STARD8: variants seen among roughly 807,000 people sequenced by gnomAD.
The protein encoded by STARD8 is StAR related lipid transfer domain containing 8.
STARD8 carries 25 observed loss-of-function variants against 69.4 expected under a neutral mutation model. The observed-to-expected ratio is 0.36, with a 90% CI of 0.26 to 0.50. The LOEUF (loss-of-function observed/expected upper bound fraction) is 0.50, where lower values mean the gene tolerates loss of function less well. STARD8 is among the 20% of genes least tolerant of loss of function. The probability of loss-of-function intolerance (pLI) is 0.96; values close to 1 mark genes in which losing one functional copy is unlikely to be tolerated. For missense variants in STARD8, 921 were observed against 932.5 expected (o/e 0.99, Z 0.16); for synonymous variants, 389 against 374.6 (o/e 1.04, Z -0.45).
intron 1 of STARD8, among the ~76,000 whole-genome samples, chrX:68,653,277 CCA>C (rs1287542792): frequency 1.3e-3 from 66 of 51,668 alleles, no homozygotes; most frequent in African/African-American, 4.3e-3. Flanking sequence ...ACACACCACA[CCA>C]CACACACACC....
rs746018366 is a variant in STARD8 at position 68,718,036 on chromosome X, A to T, written c.1122A>T (p.Glu374Asp). 36 of 1,210,786 alleles carry T rather than the reference A, an allele frequency of 3.0e-5. No individual in the cohort carries two copies. Among genetic ancestry groups the T allele is most frequent in the Non-Finnish European group, 3.9e-5 (35 of 895,066 alleles). ...AEPVMVGAEA[E>D]DEDDEESGGS... is the part of the protein sequence containing the mutation. The stretch of plus-strand genomic sequence containing the variant: ...CTGTAATGGTTGGGGCTGAGGCTGA[A>T]GATGAAGATGATGAGGAGAGTGGGG... Residue 374 changes from glutamate (E) to aspartate (D), a missense_variant, in exon 6 of 15, where the codon GAA (glutamate) becomes GAT (aspartate). By Grantham distance (45) the Glu-to-Asp change is conservative. Transcript: ENST00000374599.
intron 2 of STARD8, among the ~76,000 whole-genome samples, chrX:68,685,999 T>C (rs921724583): frequency 9.0e-6 from 1 of 111,723 alleles, no homozygotes; most frequent in African/African-American, 3.3e-5. Flanking sequence ...TTGGTGAGAT[T>C]TGGGGGCAGA....
chrX:68,674,554 G>C (rs1056740208), intron 2 of STARD8, among the ~76,000 whole-genome samples: 1 of 110,902 alleles, frequency 9.0e-6, no homozygotes, highest in Non-Finnish European at 1.9e-5. Context: ...GCCAGCCACA[G>C]AGTGCTTGGG....
chrX:68,695,818 A>C (rs1207634598), intron 2 of STARD8, among the ~76,000 whole-genome samples: 1 of 111,792 alleles, frequency 8.9e-6, no homozygotes, highest in Non-Finnish European at 1.9e-5. Flanking sequence ...CAGATTGGAG[A>C]GGGAGCAGAA....
At chrX:68,663,948 C>A (rs759572558) in intron 1 of STARD8, among the ~76,000 whole-genome samples, 1 of 111,943 alleles carries the variant, frequency 8.9e-6, no homozygotes, top group East Asian at 2.8e-4. Context: ...CCTCCTCTCT[C>A]CTGTGGCCAA....
intron 2 of STARD8, among the ~76,000 whole-genome samples, chrX:68,681,419 C>T (rs1480720305): frequency 1.8e-5 from 2 of 112,087 alleles, no homozygotes; most frequent in Non-Finnish European, 3.8e-5. Flanking sequence ...CAGTTACTTG[C>T]CAAAGGTTAC....
In STARD8 at chrX:68,725,141, C is replaced by G. The variant is rs374074673; in HGVS notation, c.*719C>G. The G allele has an allele frequency of 1.5e-4, 17 of 111,151 alleles. No homozygotes were observed. Among genetic ancestry groups the G allele is most frequent in the African/African-American group, 5.2e-4 (16 of 30,520 alleles). 9.2% of individuals were successfully genotyped at this position (111,151 alleles called of 1,213,427 possible). A position where few individuals can be genotyped will look rare whatever the true frequency, so the allele number is the denominator to read the frequency against. ...CGAGATGCCAGTGAAACCAGTATTC[C>G]CTGACTTGGGTTTCACACTTTATCG... is the stretch of plus-strand genomic sequence containing the variant. On this transcript the variant is annotated 3_prime_UTR_variant, in exon 15 of 15. Transcript: ENST00000374599.
intron 2 of STARD8, among the ~76,000 whole-genome samples, chrX:68,707,748 G>A (rs2080019496): frequency 1.8e-5 from 2 of 111,309 alleles, no homozygotes; most frequent in Admixed American, 1.9e-4. Context: ...GTATCTTCCC[G>A]CCTGGTCCCC....
At position 68,647,957 on chromosome X, in the gene STARD8, C is replaced by G. The variant is rs539891390; in HGVS notation, c.45+30C>G. 5.0e-5 allele frequency: 59 copies of G among 1,187,720 alleles called. No homozygotes were observed. In the South Asian group the frequency reaches 1.0e-3, roughly 20 times the overall value. On this transcript the variant is annotated intron_variant, in intron 1 of 14. Coordinates refer to ENST00000374599, the MANE Select transcript of STARD8 (RefSeq NM_001142503.3). ...GTGACTGGCCAGCCCCAGCCCATCC[C>G]GCTGCTCAGGGGGGAAGGAGGCAGA...
intron 2 of STARD8, among the ~76,000 whole-genome samples, chrX:68,674,293 CAAAAAAAA>C (rs60245351): frequency 2.8e-5 from 1 of 35,665 alleles, no homozygotes; most frequent in African/African-American, 7.3e-5. Context: ...AACTCCGTCT[CAAAAAAAA>C]AAAAAAAAAA....
chrX:68,703,158 G>T (rs1395882363), intron 2 of STARD8, among the ~76,000 whole-genome samples: 4 of 111,849 alleles, frequency 3.6e-5, no homozygotes, highest in Admixed American at 2.8e-4. Flanking sequence ...TACTCTGGAG[G>T]CTGAGGTGGG....
rs138134354 is a variant in STARD8 at position 68,717,451 on chromosome X, C to T, written c.537C>T (p.Pro179=). The change falls in exon 6 of 15, where the codon CCC becomes CCT. Residue 179 remains proline, a synonymous_variant. Coordinates refer to ENST00000374599, the MANE Select transcript of STARD8 (RefSeq NM_001142503.3). ...ACTTGCCCTTGCCAGGCCGTGCCCC[C>T]AGCTCGAGTGACCGGCCCCTCCTCA... ...PADLPLPGRA[P]SSSDRPLLSP... is the part of the protein sequence containing the mutation. 3 of 1,208,214 alleles carry T rather than the reference C, an allele frequency of 2.5e-6. No homozygotes were observed. Among genetic ancestry groups the T allele is most frequent in the Non-Finnish European group, 3.4e-6 (3 of 894,774 alleles).
chrX:68,663,044 G>A (rs1459280462), intron 1 of STARD8, among the ~76,000 whole-genome samples: 1 of 111,907 alleles, frequency 8.9e-6, no homozygotes, highest in African/African-American at 3.3e-5. Flanking sequence ...CACTAATCCT[G>A]GTCTTCTTCT....
At chrX:68,666,187 C>G (rs1466527993) in intron 2 of STARD8, among the ~76,000 whole-genome samples, 1 of 111,656 alleles carries the variant, frequency 9.0e-6, no homozygotes, top group African/African-American at 3.3e-5. Context: ...AGAGGGATAA[C>G]AGCTTTGTGG....
At chrX:68,668,705 C>T (rs888768358) in intron 2 of STARD8, among the ~76,000 whole-genome samples, 20 of 111,157 alleles carry the variant, frequency 1.8e-4, no homozygotes, top group African/African-American at 6.6e-4. Context: ...CTTTGAAGTC[C>T]CTGCTATCAC....
chrX:68,715,432 G>C (rs191951084), intron 4 of STARD8, 57 bp downstream of exon 4: 3 of 1,050,055 alleles, frequency 2.9e-6, no homozygotes, highest in Admixed American at 3.1e-5. Flanking sequence ...AAGCTTCCTC[G>C]TGGAAAAAAA....
At chrX:68,685,441 C>T (rs1569359917) in intron 2 of STARD8, among the ~76,000 whole-genome samples, 2 of 112,014 alleles carry the variant, frequency 1.8e-5, no homozygotes, top group East Asian at 5.6e-4. Flanking sequence ...AACCAGGACC[C>T]CCCACCATCC....
chrX:68,653,759 C>G (rs993617491), intron 1 of STARD8, among the ~76,000 whole-genome samples: 3 of 104,721 alleles, frequency 2.9e-5, no homozygotes, highest in African/African-American at 1.0e-4. Flanking sequence ...ACACACACAC[C>G]CCACACATCA....
chrX:68,690,644 T>C (rs1449206149), intron 2 of STARD8, among the ~76,000 whole-genome samples: 2 of 112,312 alleles, frequency 1.8e-5, no homozygotes, highest in African/African-American at 6.5e-5. Flanking sequence ...ACATTTATTG[T>C]CTCTACTCTA....
Sources: gnomAD v4.1 joint callset for allele counts (sites outside exome capture counted in the v4.1 genomes callset) on GRCh38, gnomAD v4.1.1 for gene constraint, MANE v1.5 for transcripts, NCBI Gene and HGNC (gene_info 2026-07-23, HGNC 2026-07-21) for gene names.